Variants in BLTP3B observed in about 807,000 individuals in gnomAD.
BLTP3B encodes bridge-like lipid transfer protein family member 3B.
chr12:100,059,834 C>T, the BLTP3B span: 1 of 1,595,870 alleles, frequency 6.3e-7, no homozygotes, highest in South Asian at 1.1e-5. Context: ...ATTACTACTA[C>T]TTGTTTGTAT....
chr12:100,088,507 T>C, the BLTP3B span, among the ~76,000 whole-genome samples: 1 of 152,180 alleles, frequency 6.6e-6, no homozygotes, highest in Non-Finnish European at 1.5e-5. Context: ...TCAAAATAGG[T>C]AGAAAAACTG....
At chr12:100,072,421 T>C in the BLTP3B span, among the ~76,000 whole-genome samples, 354 of 151,958 alleles carry the variant, frequency 2.3e-3, 1 homozygote, top group Middle Eastern at 0.024. Context: ...TAAAGAACAA[T>C]AGGGGCTGGG....
chr12:100,050,466 G>T, the BLTP3B span: 1 of 628,618 alleles, frequency 1.6e-6, no homozygotes, highest in Non-Finnish European at 2.4e-6. Flanking sequence ...GAACACGGTT[G>T]TTACATTATA....
chr12:100,137,747 T>C, the BLTP3B span, among the ~76,000 whole-genome samples: 1 of 152,218 alleles, frequency 6.6e-6, no homozygotes, highest in Admixed American at 6.5e-5. Flanking sequence ...CCTTTATTAG[T>C]AGTCACTCCT....
chr12:100,126,957 G>A, the BLTP3B span, among the ~76,000 whole-genome samples: 1 of 152,022 alleles, frequency 6.6e-6, no homozygotes, highest in African/African-American at 2.4e-5. Flanking sequence ...AGAAGAAAAA[G>A]GAATGAATCT....
chr12:100,068,400 A>C, the BLTP3B span, among the ~76,000 whole-genome samples: 1 of 152,342 alleles, frequency 6.6e-6, no homozygotes, highest in African/African-American at 2.4e-5. Flanking sequence ...AAATTCTAGA[A>C]GATAACATTG....
chr12:100,039,534 T>G, the BLTP3B span: 8 of 1,421,372 alleles, frequency 5.6e-6, no homozygotes, highest in South Asian at 1.3e-5. Context: ...TTTTAACTAT[T>G]AGTATCTTAA....
the BLTP3B span, among the ~76,000 whole-genome samples, chr12:100,130,978 GGAGGGAGAGA>G: frequency 6.4e-5 from 2 of 31,176 alleles, no homozygotes; most frequent in Non-Finnish European, 1.5e-4. Context: ...AGAGAGAGAG[GGAGGGAGAGA>G]GAGAGAGAGA....
chr12:100,091,858 T>G, the BLTP3B span, among the ~76,000 whole-genome samples: 1 of 149,278 alleles, frequency 6.7e-6, no homozygotes. Context: ...CAGGACAGGG[T>G]GCAGTGGTGC....
At chr12:100,082,597 A>C in the BLTP3B span, among the ~76,000 whole-genome samples, 16 of 152,314 alleles carry the variant, frequency 1.1e-4, no homozygotes, top group Admixed American at 9.8e-4. Context: ...TCTAATTTCA[A>C]TCTTCTGCAT....
chr12:100,042,276 G>A, the BLTP3B span, among the ~76,000 whole-genome samples: 2 of 151,978 alleles, frequency 1.3e-5, no homozygotes, highest in Non-Finnish European at 2.9e-5. Context: ...TTATCAAGCT[G>A]ATTTTAAAAT....
chr12:100,070,225 C>A, the BLTP3B span: 1 of 1,531,296 alleles, frequency 6.5e-7, no homozygotes, highest in Non-Finnish European at 8.8e-7. Context: ...CAAAAAACCA[C>A]AAAAGATTGT....
chr12:100,103,947 G>A, the BLTP3B span: 2 of 1,597,394 alleles, frequency 1.3e-6, no homozygotes, highest in East Asian at 4.5e-5. Context: ...TTTTGTCCAT[G>A]GGATCTACAA....
the BLTP3B span, chr12:100,098,628 A>T: frequency 7.2e-7 from 1 of 1,382,304 alleles, no homozygotes; most frequent in Non-Finnish European, 9.7e-7. Flanking sequence ...CTGGTTGGGG[A>T]TGGTGGCTCA....
the BLTP3B span, among the ~76,000 whole-genome samples, chr12:100,057,415 A>G: frequency 0.35 from 53,624 of 152,016 alleles, 12,504 homozygotes; most frequent in African/African-American, 0.67. Flanking sequence ...AACAATTACT[A>G]AATATAAGTA....
At chr12:100,047,755 T>C in the BLTP3B span, 1 of 1,056,886 alleles carries the variant, frequency 9.5e-7, no homozygotes, top group East Asian at 2.6e-5. Flanking sequence ...AAACTGCCTG[T>C]TATATTTTGC....
the BLTP3B span, among the ~76,000 whole-genome samples, chr12:100,117,170 A>G: frequency 6.6e-6 from 1 of 152,234 alleles, no homozygotes; most frequent in East Asian, 1.9e-4. Flanking sequence ...GGTGGAGCAT[A>G]ACTCCTCATT....
At chr12:100,039,954 A>G in the BLTP3B span, among the ~76,000 whole-genome samples, 3 of 152,196 alleles carry the variant, frequency 2.0e-5, no homozygotes, top group Admixed American at 6.5e-5. Flanking sequence ...TTATTCTCTG[A>G]AAAGATCAAC....
chr12:100,103,541 A>G, the BLTP3B span, among the ~76,000 whole-genome samples: 2 of 152,192 alleles, frequency 1.3e-5, no homozygotes, highest in East Asian at 3.8e-4. Context: ...TTCCTTAAAA[A>G]GCAAAGTATA....
Sources: allele counts gnomAD v4.1 joint callset (sites outside exome capture counted in the v4.1 genomes callset), GRCh38; gene constraint gnomAD v4.1.1; transcripts MANE v1.5; gene names NCBI Gene and HGNC (gene_info 2026-07-23, HGNC 2026-07-21).